NSUN7: variants seen among roughly 807,000 people sequenced by gnomAD.
The protein encoded by NSUN7 is NOP2/Sun RNA methyltransferase family member 7.
A neutral mutation model predicts 58.5 loss-of-function variants in NSUN7; 39 were observed. The observed-to-expected ratio is 0.67, with a 90% CI of 0.52 to 0.87. The LOEUF (loss-of-function observed/expected upper bound fraction) is 0.87. NSUN7 is among the 40% of genes least tolerant of loss of function. NSUN7 has a pLI of 0.00. For missense variants in NSUN7, 765 were observed against 844.1 expected, an observed-to-expected ratio of 0.91 and a Z score of 1.16; for synonymous variants, 278 against 303.7, an observed-to-expected ratio of 0.92 and a Z score of 0.88.
chr4:40,755,014 A>T (rs1578137886), intron 2 of NSUN7, among the ~76,000 whole-genome samples: 1 of 152,242 alleles, frequency 6.6e-6, no homozygotes, highest in Admixed American at 6.5e-5. Context: ...TTTTCTGCTA[A>T]CGAAGGTAGA....
Position 40,808,871 on chromosome 4 carries a change from A to C in NSUN7, c.2089A>C (p.Arg697=). ...PTCLPTHSLS[R]KEEKPKDDTP... Reference sequence around the variant, plus strand: ...CTGCCTTCCCACACACTCACTATCCAGAAAAGAGGAAAAGCCTAAAGATGA... The same window carrying C: ...CTGCCTTCCCACACACTCACTATCCCGAAAAGAGGAAAAGCCTAAAGATGA... Residue 697 remains arginine, a synonymous_variant, in exon 12 of 12, where the codon AGA becomes CGA. Transcript: ENST00000381782. 6.5e-7 allele frequency: 1 copy of C among 1,547,540 alleles called. No homozygotes were observed. The highest frequency in any genetic ancestry group is 8.7e-7 in the Non-Finnish European group (1 of 1,146,746).
intron 8 of NSUN7, among the ~76,000 whole-genome samples, chr4:40,790,967 A>T (rs1473447109): frequency 6.6e-6 from 1 of 152,204 alleles, no homozygotes; most frequent in Non-Finnish European, 1.5e-5. Flanking sequence ...TAATAATTGG[A>T]ATAATGTAGG....
chr4:40,786,141 T>G, intron 7 of NSUN7: 1 of 1,608,938 alleles, frequency 6.2e-7, no homozygotes, highest in Non-Finnish European at 8.5e-7. Context: ...ACCAGACTTC[T>G]ATCCTGTCCA....
intron 4 of NSUN7, 52 bp downstream of exon 4, chr4:40,761,353 T>C: frequency 6.9e-7 from 1 of 1,440,048 alleles, no homozygotes; most frequent in East Asian, 2.3e-5. Context: ...ATTGGTATTG[T>C]TATTGGTAAA....
intron 4 of NSUN7, among the ~76,000 whole-genome samples, chr4:40,767,433 C>T (rs1409698243): frequency 6.6e-6 from 1 of 152,188 alleles, no homozygotes; most frequent in African/African-American, 2.4e-5. Flanking sequence ...TTTGATTGCA[C>T]TGTGGACTGA....
At position 40,777,270 on chromosome 4, in the gene NSUN7, C is replaced by G. The variant is rs148090442; in HGVS notation, c.1036+1011C>G. 3.6e-3 allele frequency among the ~76,000 whole-genome samples: 543 copies of G among 152,286 alleles called. 2 individuals are homozygous for G. Among genetic ancestry groups the G allele is most frequent in the Non-Finnish European group, 5.3e-3 (363 of 68,010 alleles). ...TGCCAGAAGCAAAAGTAAATTCCCTCTGGAGGAAAACAACATCATCCTACA... is the reference window on the plus strand; with the variant it reads ...TGCCAGAAGCAAAAGTAAATTCCCTGTGGAGGAAAACAACATCATCCTACA... On this transcript the variant is annotated intron_variant, in intron 7 of 11. Coordinates refer to ENST00000381782, the MANE Select transcript of NSUN7 (RefSeq NM_024677.6).
At chr4:40,802,997 T>C (rs1325865368) in intron 10 of NSUN7, among the ~76,000 whole-genome samples, 4 of 139,126 alleles carry the variant, frequency 2.9e-5, no homozygotes, top group African/African-American at 1.1e-4. Flanking sequence ...CCATGTGTTC[T>C]CATTGTTCAA....
chr4:40,752,736 T>A (rs1740899266), intron 2 of NSUN7, among the ~76,000 whole-genome samples: 2 of 30,432 alleles, frequency 6.6e-5, no homozygotes, highest in African/African-American at 2.5e-4. Flanking sequence ...CTCTATTTTT[T>A]AAAATTAAAA....
In NSUN7 at chr4:40,809,652, C is replaced by CTAAA. The variant is rs1389071572; in HGVS notation, c.*716_*719dup. ...CAAAAGACTGTGAGCAAATTTCCAT[C>CTAAA]TAAATATTAATAATTCTGAAGAAGA... On this transcript the variant is annotated 3_prime_UTR_variant, in exon 12 of 12. Transcript: ENST00000381782. 6.6e-6 allele frequency: 1 copy of CTAAA among 152,100 alleles called. No homozygotes were observed. Among genetic ancestry groups the CTAAA allele is most frequent in the African/African-American group, 2.4e-5 (1 of 41,400 alleles). The allele number at this position is 152,100 out of a possible 1,614,324, so 9.4% of individuals were successfully genotyped here.
intron 4 of NSUN7, among the ~76,000 whole-genome samples, chr4:40,771,400 GTCTT>G (rs1742003148): frequency 6.6e-6 from 1 of 152,092 alleles, no homozygotes; most frequent in Non-Finnish European, 1.5e-5. Flanking sequence ...AAAAATCTCT[GTCTT>G]TCTCTCTTTC....
chr4:40,769,322 T>A (rs2437356), intron 4 of NSUN7, among the ~76,000 whole-genome samples: 118,559 of 152,186 alleles, frequency 0.78, 46,428 homozygotes, highest in Admixed American at 0.83. Context: ...CTTGGATCAG[T>A]CTTCCCCTTC....
chr4:40,787,953 C>T (rs1387641154), intron 7 of NSUN7, among the ~76,000 whole-genome samples: 2 of 152,126 alleles, frequency 1.3e-5, no homozygotes, highest in East Asian at 1.9e-4. Flanking sequence ...TCCTGCCTCA[C>T]CCTCCTGAGT....
At chr4:40,766,137 A>G (rs1215953926) in intron 4 of NSUN7, among the ~76,000 whole-genome samples, 2 of 152,198 alleles carry the variant, frequency 1.3e-5, no homozygotes, top group Non-Finnish European at 2.9e-5. Context: ...GAGTGGTGAG[A>G]GAGGGCATCC....
At chr4:40,771,580 G>A (rs1742011836) in intron 4 of NSUN7, among the ~76,000 whole-genome samples, 1 of 151,994 alleles carries the variant, frequency 6.6e-6, no homozygotes, top group South Asian at 2.1e-4. Flanking sequence ...TAGATTTATG[G>A]ATGAGAGTGA....
intron 8 of NSUN7, among the ~76,000 whole-genome samples, chr4:40,791,969 T>C (rs1322553347): frequency 6.6e-6 from 1 of 152,190 alleles, no homozygotes; most frequent in African/African-American, 2.4e-5. Flanking sequence ...TCAGGTGGGT[T>C]AGCACATTTT....
intron 7 of NSUN7, among the ~76,000 whole-genome samples, chr4:40,789,496 C>A (rs888972480): frequency 3.5e-5 from 5 of 140,870 alleles, no homozygotes; most frequent in Non-Finnish European, 7.5e-5. Flanking sequence ...TTTTTGGTGT[C>A]GTTACATTTT....
At chr4:40,767,893 C>T (rs190873492) in intron 4 of NSUN7, among the ~76,000 whole-genome samples, 4 of 152,188 alleles carry the variant, frequency 2.6e-5, no homozygotes, top group African/African-American at 7.2e-5. Context: ...TGTTGTACCC[C>T]AGTACCCAAG....
chr4:40,792,680 G>A (rs958465212), intron 8 of NSUN7, among the ~76,000 whole-genome samples: 134 of 152,212 alleles, frequency 8.8e-4, no homozygotes, highest in African/African-American at 1.8e-3. Flanking sequence ...GAACCCCGGG[G>A]GGCGGAGCCT....
At chr4:40,754,353 G>A (rs193144078) in intron 2 of NSUN7, among the ~76,000 whole-genome samples, 1 of 152,144 alleles carries the variant, frequency 6.6e-6, no homozygotes, top group Non-Finnish European at 1.5e-5. Flanking sequence ...TCACCATGTT[G>A]GCCAGGCTGG....
Sources: allele counts gnomAD v4.1 joint callset (sites outside exome capture counted in the v4.1 genomes callset), GRCh38; gene constraint gnomAD v4.1.1; transcripts MANE v1.5; gene names NCBI Gene and HGNC (gene_info 2026-07-23, HGNC 2026-07-21).